The following GABPB2 variants were observed in gnomAD, a reference collection of about 807,000 sequenced individuals.
The protein encoded by GABPB2 is GA binding protein transcription factor subunit beta 2, also known as GA-binding protein subunit beta-2.
GABPB2 carries 23 observed loss-of-function variants against 39.1 expected under a neutral mutation model. The observed-to-expected ratio is 0.59, with a 90% CI of 0.42 to 0.83. The LOEUF is 0.83. Ranked by LOEUF, GABPB2 falls within the 40% of genes least tolerant of loss-of-function variation. GABPB2 has a pLI of 0.00. For synonymous variants in GABPB2, 184 were observed against 199.3 expected (o/e 0.92, Z 0.65); for missense variants, 467 against 541.1 (o/e 0.86, Z 1.36).
rs1482523039 is a variant in GABPB2, at chr1:151,124,732, GTC to G, written c.*6480_*6481del. On this transcript the variant is annotated 3_prime_UTR_variant, in exon 9 of 9. Transcript: ENST00000368918. ...CTGTATGCACTCTAGGCTCTTATCT[GTC>G]TCTATTTTATGTGGTGACTATATCT... is the stretch of plus-strand genomic sequence containing the variant. The G allele has an allele frequency of 6.6e-6, 1 of 152,070 alleles. No individual in the cohort carries two copies. The highest frequency in any genetic ancestry group is 2.4e-5 in the African/African-American group (1 of 41,384). 9.4% of individuals were successfully genotyped at this position (152,070 alleles called of 1,614,324 possible). A position where few individuals can be genotyped will look rare whatever the true frequency, so the allele number is the denominator to read the frequency against.
intron 1 of GABPB2, among the ~76,000 whole-genome samples, chr1:151,083,403 A>C (rs1004406764): frequency 6.6e-6 from 1 of 152,158 alleles, no homozygotes; most frequent in African/African-American, 2.4e-5. Context: ...AGGCTGAGGC[A>C]GGCAGATCAC....
intron 5 of GABPB2, among the ~76,000 whole-genome samples, chr1:151,102,846 G>A (rs587681111): frequency 9.5e-4 from 145 of 152,250 alleles, no homozygotes; most frequent in African/African-American, 3.4e-3. Flanking sequence ...AAGCCCAGAA[G>A]GGGACTATTC....
chr1:151,085,514 C>T (rs1271010440), intron 1 of GABPB2, among the ~76,000 whole-genome samples: 1 of 152,170 alleles, frequency 6.6e-6, no homozygotes, highest in African/African-American at 2.4e-5. Flanking sequence ...AATCTCGGCT[C>T]ACTGCAAGCT....
chr1:151,116,626 A>G (rs975906187), intron 7 of GABPB2, among the ~76,000 whole-genome samples: 5 of 151,842 alleles, frequency 3.3e-5, no homozygotes, highest in Admixed American at 6.6e-5. Flanking sequence ...TGTTTGTTTT[A>G]AGACAGGGTC....
chr1:151,073,975 A>C (rs1193588672), intron 1 of GABPB2, among the ~76,000 whole-genome samples: 7 of 139,680 alleles, frequency 5.0e-5, no homozygotes, highest in East Asian at 2.1e-4. Flanking sequence ...TATTATGGTT[A>C]TTTCTTTTTT....
chr1:151,095,948 G>A (rs1041508818), intron 4 of GABPB2, among the ~76,000 whole-genome samples: 3 of 151,510 alleles, frequency 2.0e-5, no homozygotes, highest in East Asian at 3.9e-4. Context: ...CAGGAGAATC[G>A]GTTGAACTTG....
intron 3 of GABPB2, among the ~76,000 whole-genome samples, chr1:151,091,468 A>C (rs1284310539): frequency 0.41 from 7,122 of 17,456 alleles, 1,273 homozygotes; most frequent in African/African-American, 0.49. Context: ...TGTGTCTCAA[A>C]AAAAAAAAAA....
chr1:151,089,725 A>G (rs1015602409), intron 2 of GABPB2, among the ~76,000 whole-genome samples: 1 of 152,100 alleles, frequency 6.6e-6, no homozygotes, highest in African/African-American at 2.4e-5. Flanking sequence ...CTTGGGCTCA[A>G]GCAGTCCTCC....
chr1:151,097,815 A>C, intron 4 of GABPB2, 37 bp from the exon 5 acceptor site: 2 of 1,587,862 alleles, frequency 1.3e-6, no homozygotes, highest in Non-Finnish European at 1.7e-6. Flanking sequence ...AAAAGCTAAT[A>C]AGTGTTCTGA....
At chr1:151,084,823 C>CG (rs1678038312) in intron 1 of GABPB2, among the ~76,000 whole-genome samples, 1 of 151,808 alleles carries the variant, frequency 6.6e-6, no homozygotes, top group South Asian at 2.1e-4. Flanking sequence ...TGTGAGCCAC[C>CG]GCGCCCAGCC....
intron 6 of GABPB2, 60 bp downstream of exon 6, chr1:151,103,735 A>T: frequency 9.1e-7 from 1 of 1,094,474 alleles, no homozygotes; most frequent in Non-Finnish European, 1.4e-6. Context: ...TTAAGTCTCC[A>T]GCAGATTTAA....
intron 1 of GABPB2, among the ~76,000 whole-genome samples, chr1:151,075,722 C>A (rs12024145): frequency 6.9e-6 from 1 of 144,260 alleles, no homozygotes; most frequent in Non-Finnish European, 1.5e-5. Context: ...AAAACCCCCC[C>A]CAAAAAAACC....
rs587758428 is a variant in GABPB2, at chr1:151,084,843, T to A, written c.1-3347T>A. Among the ~76,000 whole-genome samples, 17 of 152,002 alleles carry A rather than the reference T, an allele frequency of 1.1e-4. 2 individuals are homozygous for A. Among genetic ancestry groups the A allele is most frequent in the African/African-American group, 4.1e-4 (17 of 41,500 alleles). ...GCCACCGCGCCCAGCCAGCTGTTCA[T>A]TTTTAAAAAACATACCTGCCATATA... On this transcript the variant is annotated intron_variant, in intron 1 of 8. Transcript: ENST00000368918.
At chr1:151,097,653 C>A (rs587738756) in intron 4 of GABPB2, among the ~76,000 whole-genome samples, 199 bp from the exon 5 acceptor site, 1 of 152,080 alleles carries the variant, frequency 6.6e-6, no homozygotes, top group South Asian at 2.1e-4. Flanking sequence ...GTGGCGTGTG[C>A]CTGTAATCCC....
At chr1:151,088,430 C>G in intron 2 of GABPB2, 133 bp downstream of exon 2, 2 of 1,328,842 alleles carry the variant, frequency 1.5e-6, no homozygotes, top group Non-Finnish European at 2.1e-6. Flanking sequence ...GTTTTATTTT[C>G]TTTGTCTCAT....
rs144676427 is a variant in GABPB2 at position 151,079,624 on chromosome 1, G to A, written c.1-8566G>A. Among the ~76,000 whole-genome samples, 816 of 151,604 alleles carry A rather than the reference G, an allele frequency of 5.4e-3. 10 individuals carry two copies. The highest frequency in any genetic ancestry group is 0.019 in the African/African-American group (785 of 41,328). ...CACTGCTCAGAAACATTTTGCGACC[G>A]GGCGCAGTGGCTCAGGCCTGTATCC... is the stretch of plus-strand genomic sequence containing the variant. On this transcript the variant is annotated intron_variant, in intron 1 of 8. Coordinates refer to ENST00000368918, the MANE Select transcript of GABPB2 (RefSeq NM_144618.3).
At chr1:151,110,536 C>T (rs1202218466) in intron 7 of GABPB2, among the ~76,000 whole-genome samples, 1 of 151,682 alleles carries the variant, frequency 6.6e-6, no homozygotes, top group African/African-American at 2.4e-5. Context: ...ATCTCAGCTC[C>T]CTGCAACCTC....
At chr1:151,086,086 A>G (rs587604382) in intron 1 of GABPB2, among the ~76,000 whole-genome samples, 1 of 152,220 alleles carries the variant, frequency 6.6e-6, no homozygotes, top group African/African-American at 2.4e-5. Flanking sequence ...CTCTACAAAA[A>G]ATACAAAAAT....
At chr1:151,116,155 G>T (rs1305691615) in intron 7 of GABPB2, among the ~76,000 whole-genome samples, 1 of 152,144 alleles carries the variant, frequency 6.6e-6, no homozygotes, top group Non-Finnish European at 1.5e-5. Context: ...ACTTTGGGAG[G>T]CCAAGGCAGG....
Sources: allele counts gnomAD v4.1 joint callset (sites outside exome capture counted in the v4.1 genomes callset), GRCh38; gene constraint gnomAD v4.1.1; transcripts MANE v1.5; gene names NCBI Gene and HGNC (gene_info 2026-07-23, HGNC 2026-07-21).